Variants in ADAM7 observed in about 807,000 individuals in gnomAD.
ADAM7 encodes the protein disintegrin and metalloproteinase domain-containing protein 7.
ADAM7 carries 97 observed loss-of-function variants against 102.9 expected under a neutral mutation model. That is an observed-to-expected ratio of 0.94 (90% CI 0.80 to 1.12). The LOEUF (loss-of-function observed/expected upper bound fraction) is 1.12. Ranked by LOEUF, ADAM7 falls within the 50% of genes most tolerant of loss-of-function variation. The probability of loss-of-function intolerance (pLI) is 0.00; values close to 1 mark genes in which losing one functional copy is unlikely to be tolerated. For missense variants in ADAM7, 991 were observed against 908.7 expected, an observed-to-expected ratio of 1.09 and a Z score of -1.16; for synonymous variants, 334 against 304.4, an observed-to-expected ratio of 1.10 and a Z score of -1.01.
intron 1 of ADAM7, 28 bp from the exon 2 acceptor site, chr8:24,442,445 G>A (rs927404208): frequency 6.7e-7 from 1 of 1,493,926 alleles, no homozygotes; most frequent in Non-Finnish European, 9.3e-7. Flanking sequence ...ATGTCAGACG[G>A]ATTTTTTCCT....
intron 5 of ADAM7, 57 bp from the exon 6 acceptor site, chr8:24,466,742 C>A: frequency 6.6e-7 from 1 of 1,513,402 alleles, no homozygotes; most frequent in Non-Finnish European, 9.0e-7. Context: ...AAAGTCAATA[C>A]AATGAAATAG....
At chr8:24,458,236 A>G (rs1479327496) in intron 3 of ADAM7, among the ~76,000 whole-genome samples, 1 of 152,156 alleles carries the variant, frequency 6.6e-6, no homozygotes, top group Non-Finnish European at 1.5e-5. Context: ...AATTTTACTG[A>G]ATTTCATTTT....
rs1034053804 is a variant in ADAM7, at chr8:24,464,848, A to G, written c.313-851A>G. On this transcript the variant is annotated intron_variant, in intron 4 of 21. Coordinates refer to ENST00000175238, the MANE Select transcript of ADAM7 (RefSeq NM_003817.4). ...TCTCTCCAGGCTGGAGCGCAGCGGC[A>G]CAATCTCAGCTCACTGCAACCTCCG... Among the ~76,000 whole-genome samples, 44 of 96,014 alleles carry G rather than the reference A, an allele frequency of 4.6e-4. 6 individuals carry two copies. The highest frequency in any genetic ancestry group is 6.8e-3 in the Middle Eastern group (1 of 146). The allele number at this position is 96,014 out of a possible 152,430, so 63.0% of individuals were successfully genotyped here.
intron 20 of ADAM7, among the ~76,000 whole-genome samples, chr8:24,504,023 A>AAAAAT (rs140673463): frequency 0.013 from 1,928 of 145,768 alleles, 21 homozygotes; most frequent in East Asian, 0.086. Context: ...CTTCAAGTAC[A>AAAAAT]AAAATAAAAT....
chr8:24,478,203 T>C lies in ADAM7; in HGVS notation c.705+1699T>C, dbSNP rs924686650. On this transcript the variant is annotated intron_variant, in intron 8 of 21. Coordinates refer to ENST00000175238, the MANE Select transcript of ADAM7 (RefSeq NM_003817.4). ...AGCTTGTTGTTGTTGGCAGAATTTA[T>C]TTCATGCAGTTACAGGATTGAAGTC... 4.6e-5 allele frequency among the ~76,000 whole-genome samples: 7 copies of C among 152,150 alleles called. No homozygotes were observed. The South Asian group carries it at 1.5e-3, about 32-fold the overall frequency.
At chr8:24,448,352 T>C (rs77588228) in intron 3 of ADAM7, among the ~76,000 whole-genome samples, 3,317 of 152,220 alleles carry the variant, frequency 0.022, 119 homozygotes, top group African/African-American at 0.072. Flanking sequence ...AATTTCATTG[T>C]ATTAGCCACT....
intron 3 of ADAM7, among the ~76,000 whole-genome samples, chr8:24,453,057 G>A (rs934699113): frequency 4.4e-4 from 67 of 151,480 alleles, no homozygotes; most frequent in African/African-American, 1.5e-3. Context: ...AGGGTAACCC[G>A]ACCTTTCTCT....
At chr8:24,495,306 G>T (rs541317272) in intron 16 of ADAM7, among the ~76,000 whole-genome samples, 1 of 152,132 alleles carries the variant, frequency 6.6e-6, no homozygotes, top group South Asian at 2.1e-4. Context: ...CAACAACAAG[G>T]TGACACATAT....
intron 20 of ADAM7, among the ~76,000 whole-genome samples, chr8:24,502,983 C>T (rs1439827700): frequency 6.6e-6 from 1 of 152,010 alleles, no homozygotes; most frequent in Non-Finnish European, 1.5e-5. Context: ...AGATGTTAGC[C>T]AACTGAATCT....
At chr8:24,483,651 G>A (rs1397299412) in intron 9 of ADAM7, among the ~76,000 whole-genome samples, 2 of 152,124 alleles carry the variant, frequency 1.3e-5, no homozygotes, top group Non-Finnish European at 1.5e-5. Flanking sequence ...TATCGCCAGA[G>A]GCATAGTTGT....
intron 12 of ADAM7, 25 bp from the exon 13 acceptor site, chr8:24,490,774 A>C: frequency 6.2e-7 from 1 of 1,606,070 alleles, no homozygotes; most frequent in Non-Finnish European, 8.5e-7. Flanking sequence ...CCAATTTCTC[A>C]TCTCTCTTTT....
Position 24,501,573 on chromosome 8 carries a change from A to G in ADAM7, c.2205A>G (p.Leu735=), listed in dbSNP as rs1226878827. 7.0e-6 allele frequency: 11 copies of G among 1,578,208 alleles called. No homozygotes were observed. Among genetic ancestry groups the G allele is most frequent in the Non-Finnish European group, 8.6e-6 (10 of 1,168,152 alleles). ...TEPILPEIHF[L]NKPASKDSRG... Reference sequence around the variant, plus strand: ...CAATCCTGCCAGAAATTCATTTCCTAAATGTAAGAAACTTCCATTTGCAAC... The same window carrying G: ...CAATCCTGCCAGAAATTCATTTCCTGAATGTAAGAAACTTCCATTTGCAAC... Residue 735 remains leucine (L), a synonymous_variant, in exon 20 of 22, where the codon CTA becomes CTG. Transcript: ENST00000175238.
intron 7 of ADAM7, among the ~76,000 whole-genome samples, chr8:24,469,447 T>A (rs1464609251): frequency 6.6e-6 from 1 of 152,188 alleles, no homozygotes; most frequent in East Asian, 1.9e-4. Context: ...TGCACAGATG[T>A]GGGACATGAT....
At chr8:24,445,293 G>A (rs1054062119) in intron 2 of ADAM7, among the ~76,000 whole-genome samples, 2 of 152,104 alleles carry the variant, frequency 1.3e-5, no homozygotes, top group South Asian at 2.1e-4. Flanking sequence ...TGGGGATTCT[G>A]TGTCTTTATG....
At chr8:24,487,142 T>C in intron 10 of ADAM7, 45 bp from the exon 11 acceptor site, 4 of 1,593,584 alleles carry the variant, frequency 2.5e-6, no homozygotes, top group Non-Finnish European at 3.4e-6. Flanking sequence ...TGTACTACAG[T>C]ATGCTAACTT....
chr8:24,489,066 G>T, intron 11 of ADAM7, 93 bp from the exon 12 acceptor site: 1 of 1,197,258 alleles, frequency 8.4e-7, no homozygotes, highest in Non-Finnish European at 1.1e-6. Flanking sequence ...ATTTACATTT[G>T]TTCTTTTCAA....
chr8:24,454,570 A>G (rs7007085), intron 3 of ADAM7, among the ~76,000 whole-genome samples: 3,130 of 152,184 alleles, frequency 0.021, 121 homozygotes, highest in African/African-American at 0.072. Flanking sequence ...CCTTTCTTTG[A>G]CTAGGAAAGG....
At chr8:24,501,962 C>G (rs1357012911) in intron 20 of ADAM7, among the ~76,000 whole-genome samples, 1 of 152,078 alleles carries the variant, frequency 6.6e-6, no homozygotes, top group Non-Finnish European at 1.5e-5. Flanking sequence ...GAGGCCGAGA[C>G]AGGCAGATCA....
At chr8:24,453,091 C>G (rs1046192257) in intron 3 of ADAM7, among the ~76,000 whole-genome samples, 3 of 151,470 alleles carry the variant, frequency 2.0e-5, no homozygotes, top group African/African-American at 7.3e-5. Context: ...ACATTTTTTC[C>G]TTCATTTCAA....
Sources: allele counts gnomAD v4.1 joint callset (sites outside exome capture counted in the v4.1 genomes callset), GRCh38; gene constraint gnomAD v4.1.1; transcripts MANE v1.5; gene names NCBI Gene and HGNC (gene_info 2026-07-23, HGNC 2026-07-21).